Variants in ABCB8 observed in about 807,000 individuals in gnomAD.
ABCB8 encodes mitochondrial potassium channel ATP-binding subunit.
Under a neutral mutation model 73.0 loss-of-function variants are expected in ABCB8, and 52 were observed. That is an observed-to-expected ratio of 0.71 (90% CI 0.57 to 0.90). ABCB8 has a LOEUF of 0.90. ABCB8 is among the 40% of genes least tolerant of loss of function. The pLI is 0.00. For missense variants in ABCB8, 909 were observed against 974.6 expected, an observed-to-expected ratio of 0.93 and a Z score of 0.90; for synonymous variants, 428 against 423.5, an observed-to-expected ratio of 1.01 and a Z score of -0.13.
intron 1 of ABCB8, chr7:151,033,171 A>G (rs940553885): frequency 8.9e-6 from 4 of 447,846 alleles, no homozygotes; most frequent in Non-Finnish European, 1.3e-5. Flanking sequence ...GAGCAAGTCC[A>G]GTGCCGGGCA....
rs113531350 is a variant in ABCB8, at chr7:151,028,486, T to G, written c.-30T>G. On this transcript the variant is annotated 5_prime_UTR_variant, in exon 1 of 16. The change creates a new upstream start codon in the 5' untranslated region. Coordinates refer to ENST00000358849, the MANE Select transcript of ABCB8 (RefSeq NM_007188.5). ...AGTGGGATGAGGGTGAAACTGCTAT[T>G]GCCGGCGGCTCCTGTTTTACCGCGT... 1.2e-6 allele frequency: 2 copies of G among 1,600,158 alleles called. No individual in the cohort carries two copies. Among genetic ancestry groups the G allele is most frequent in the African/African-American group, 2.7e-5 (2 of 74,806 alleles).
Position 151,035,980 on chromosome 7 carries a change from A to G in ABCB8, c.1013+13A>G. 6.2e-7 allele frequency: 1 copy of G among 1,613,678 alleles called. No homozygotes were observed. Among genetic ancestry groups the G allele is most frequent in the South Asian group, 1.1e-5 (1 of 91,086 alleles). ...AACGGGAAGAGGAGTGAGTCCTGGGAGGGCGGAGCACAAAGCAGAGATGCC... is the reference window on the plus strand; with the variant it reads ...AACGGGAAGAGGAGTGAGTCCTGGGGGGGCGGAGCACAAAGCAGAGATGCC... On this transcript the variant is annotated intron_variant, in intron 7 of 15. Coordinates refer to ENST00000358849, the MANE Select transcript of ABCB8 (RefSeq NM_007188.5).
At chr7:151,040,977 G>T (rs1796445206) in intron 12 of ABCB8, 55 bp downstream of exon 12, 1 of 1,605,272 alleles carries the variant, frequency 6.2e-7, no homozygotes, top group Admixed American at 1.7e-5. Context: ...CAGCCACTCA[G>T]AGCAAGGCCG....
intron 1 of ABCB8, chr7:151,033,028 C>G (rs193013654): frequency 2.2e-4 from 102 of 456,712 alleles, no homozygotes; most frequent in African/African-American, 1.9e-3. Flanking sequence ...TATTTCAGCT[C>G]TCTTAGCTCC....
Position 151,045,216 on chromosome 7 carries a change from C to T in ABCB8, c.2024C>T (p.Thr675Ile), listed in dbSNP as rs1215006116. 2 of 1,581,866 alleles carry T rather than the reference C, an allele frequency of 1.3e-6. No individual in the cohort carries two copies. Among genetic ancestry groups the T allele is most frequent in the African/African-American group, 2.7e-5 (2 of 73,464 alleles). The change falls in exon 16 of 16, where the codon ACA (threonine) becomes ATA (isoleucine). Residue 675 changes from threonine (T) to isoleucine (I), a missense_variant. Transcript: ENST00000358849. The stretch of plus-strand genomic sequence containing the variant: ...TTCCCTCCCATCTTCCAGGCTGGGA[C>T]ACATGAAGAGCTCCTGAAGAAAGGC... The part of the protein sequence containing the change: ...MADGRVWEAG[T>I]HEELLKKGGL...
intron 13 of ABCB8, among the ~76,000 whole-genome samples, chr7:151,041,496 A>AT (rs1796464320): frequency 6.6e-6 from 1 of 152,160 alleles, no homozygotes; most frequent in Admixed American, 6.5e-5. Flanking sequence ...AATCCCTCAG[A>AT]TTCTCTGCAA....
At position 151,045,248 on chromosome 7, in the gene ABCB8, TAC is replaced by T. The variant is rs1796582815; in HGVS notation, c.2057_2058del (p.Tyr686CysfsTer38). 1 of 1,600,960 alleles carries T rather than the reference TAC, an allele frequency of 6.2e-7. No individual in the cohort carries two copies. The highest frequency in any genetic ancestry group is 1.7e-5 in the Admixed American group (1 of 58,504). On this transcript the variant is annotated frameshift_variant, in exon 16 of 16. Coordinates refer to ENST00000358849, the MANE Select transcript of ABCB8 (RefSeq NM_007188.5). LOFTEE classifies it low-confidence loss of function (END_TRUNC). Reference sequence around the variant, plus strand: ...AGAGCTCCTGAAGAAAGGCGGGCTATACGCCGAGCTCATCCGGAGGCAGGCCC... The same window carrying T: ...AGAGCTCCTGAAGAAAGGCGGGCTATGCCGAGCTCATCCGGAGGCAGGCCC... ...HEELLKKGGL[Y>X]AELIRRQALD...
intron 15 of ABCB8, 36 bp from the exon 16 acceptor site, chr7:151,045,173 T>C: frequency 6.6e-7 from 1 of 1,505,286 alleles, no homozygotes; most frequent in South Asian, 1.3e-5. Context: ...CTGCATGCCT[T>C]GGAGCAACCA....
At chr7:151,033,275 C>T (rs1796213843) in intron 1 of ABCB8, 2 of 548,412 alleles carry the variant, frequency 3.6e-6, no homozygotes, top group Non-Finnish European at 6.0e-6. Flanking sequence ...TCTAACGTGC[C>T]ATCCAGTTCT....
chr7:151,029,247 GCTGAGAT>G, intron 1 of ABCB8: 1 of 172,066 alleles, frequency 5.8e-6, no homozygotes, highest in Non-Finnish European at 1.3e-5. Context: ...GTTGCAGTGA[GCTGAGAT>G]CATGGCCACT....
intron 14 of ABCB8, 114 bp from the exon 15 acceptor site, chr7:151,043,857 C>T: frequency 1.4e-6 from 2 of 1,457,872 alleles, no homozygotes; most frequent in Non-Finnish European, 9.4e-7. Context: ...GTGCACAGTG[C>T]TGAGAGGGGC....
chr7:151,036,934 A>G (rs1250393262), intron 9 of ABCB8: 1 of 715,128 alleles, frequency 1.4e-6, no homozygotes, highest in Non-Finnish European at 2.6e-6. Context: ...AATTTGTTTC[A>G]ACTGTGGTAA....
At position 151,040,874 on chromosome 7, in the gene ABCB8, A is replaced by G; in HGVS notation, c.1435A>G (p.Thr479Ala). 6.2e-7 allele frequency: 1 copy of G among 1,605,810 alleles called. No individual in the cohort carries two copies. Among genetic ancestry groups the G allele is most frequent in the Non-Finnish European group, 8.5e-7 (1 of 1,176,546 alleles). ...GFEVLKDFTL[T>A]LPPGKIVALV... ...CGAGGTGCTGAAAGACTTCACCCTG[A>G]CGCTGCCCCCTGGCAAGATCGTGGC... The change falls in exon 12 of 16, where the codon ACG becomes GCG. Residue 479 changes from threonine (T) to alanine (A), a missense_variant. Thr to Ala is a moderately conservative substitution (Grantham distance 58). Coordinates refer to ENST00000358849, the MANE Select transcript of ABCB8 (RefSeq NM_007188.5).
Position 151,033,919 on chromosome 7 carries a change from T to C in ABCB8, c.408+2T>C, listed in dbSNP as rs1324450961. On this transcript the variant is annotated splice_donor_variant, in intron 2 of 15. Coordinates refer to ENST00000358849, the MANE Select transcript of ABCB8 (RefSeq NM_007188.5). LOFTEE classifies it high-confidence loss of function. ...CTGGTCCTGGGGGTAGCCGTCGTGG[T>C]GAGGCTTTCCCCACTTCTCCATCCT... 1 of 1,583,698 alleles carries C rather than the reference T, an allele frequency of 6.3e-7. No homozygotes were observed. Among genetic ancestry groups the C allele is most frequent in the African/African-American group, 1.3e-5 (1 of 74,482 alleles).
intron 1 of ABCB8, 177 bp downstream of exon 1, chr7:151,028,787 C>G (rs748871448): frequency 6.5e-7 from 1 of 1,542,252 alleles, no homozygotes; most frequent in Non-Finnish European, 8.7e-7. Context: ...TAGTGACACT[C>G]CAGTCGCCAG....
intron 13 of ABCB8, among the ~76,000 whole-genome samples, chr7:151,041,526 T>G (rs1310034677): frequency 1.7e-4 from 26 of 152,232 alleles, no homozygotes; most frequent in Admixed American, 1.7e-3. Context: ...CATCCAGGTC[T>G]AGAGAAGCCT....
chr7:151,041,704 C>T (rs1317385199), intron 13 of ABCB8, among the ~76,000 whole-genome samples: 3 of 152,144 alleles, frequency 2.0e-5, no homozygotes, highest in Admixed American at 1.3e-4. Context: ...CAACTCCCAG[C>T]GCCCTGCCCT....
rs1215402071 is a variant in ABCB8 at position 151,045,320 on chromosome 7, G to A, written c.2128G>A (p.Gly710Ser). The change falls in exon 16 of 16, where the codon GGC becomes AGC. Residue 710 changes from glycine (G) to serine (S), a missense_variant. By Grantham distance (56) the Gly-to-Ser change is moderately conservative. Transcript: ENST00000358849. Reference sequence around the variant, plus strand: ...GGCCCCACCGCCCAAAAAGCCAGAAGGCCCCAGGAGCCACCAGCACAAGTC... The same window carrying A: ...GGCCCCACCGCCCAAAAAGCCAGAAAGCCCCAGGAGCCACCAGCACAAGTC... ...TAAPPPKKPEGPRSHQHKS is the reference protein window; with the variant it reads ...TAAPPPKKPESPRSHQHKS 6 of 1,590,124 alleles carry A rather than the reference G, an allele frequency of 3.8e-6. No individual in the cohort carries two copies. The highest frequency in any genetic ancestry group is 5.1e-6 in the Non-Finnish European group (6 of 1,168,536).
At position 151,040,606 on chromosome 7, in the gene ABCB8, T is replaced by C. The variant is rs749556293; in HGVS notation, c.1360T>C (p.Ser454Pro). 2 of 1,613,086 alleles carry C rather than the reference T, an allele frequency of 1.2e-6. No individual in the cohort carries two copies. The highest frequency in any genetic ancestry group is 2.2e-5 in the East Asian group (1 of 44,864). The change falls in exon 11 of 16, where the codon TCC becomes CCC. Residue 454 changes from serine (S) to proline (P), a missense_variant. By Grantham distance (74) the Ser-to-Pro change is moderately conservative. Transcript: ENST00000358849. The part of the protein sequence containing the change: ...CCVPKEQLRG[S>P]VTFQNVCFSY... The stretch of plus-strand genomic sequence containing the variant: ...CGTCCCCAAAGAGCAGCTGCGTGGC[T>C]CCGTTACATTTCAGAACGTCTGCTT...
Sources: gnomAD v4.1 joint callset for allele counts (sites outside exome capture counted in the v4.1 genomes callset) on GRCh38, gnomAD v4.1.1 for gene constraint, MANE v1.5 for transcripts, NCBI Gene and HGNC (gene_info 2026-07-23, HGNC 2026-07-21) for gene names.